Variants in GRIK2 observed in about 807,000 individuals in gnomAD.
GRIK2 encodes glutamate ionotropic receptor kainate type subunit 2.
In GRIK2, 32 loss-of-function variants were observed where a neutral mutation model predicts 100.3. The ratio of observed to expected loss-of-function variants is 0.32; its 90% confidence interval spans 0.24 to 0.43. The LOEUF is 0.43. GRIK2 is among the 20% of genes least tolerant of loss of function. The probability of loss-of-function intolerance (pLI) is 1.00; values close to 1 mark genes in which losing one functional copy is unlikely to be tolerated. For missense variants in GRIK2, 843 were observed against 1,114.9 expected (o/e 0.76, Z 3.47); for synonymous variants, 417 against 389.4 (o/e 1.07, Z -0.83).
At chr6:101,639,731 TTATC>T (rs1329807328) in intron 4 of GRIK2, among the ~76,000 whole-genome samples, 1 of 152,184 alleles carries the variant, frequency 6.6e-6, no homozygotes, top group Non-Finnish European at 1.5e-5. Context: ...AGAGATAACA[TTATC>T]TAAGCATCTA....
intron 7 of GRIK2, among the ~76,000 whole-genome samples, chr6:101,704,507 TAC>T (rs1391082759): frequency 6.6e-6 from 1 of 151,854 alleles, no homozygotes; most frequent in Non-Finnish European, 1.5e-5. Flanking sequence ...AACTAATTTA[TAC>T]ACTCTCCAAT....
chr6:102,009,227 A>G (rs1223474490), intron 14 of GRIK2, among the ~76,000 whole-genome samples: 2 of 152,048 alleles, frequency 1.3e-5, no homozygotes, highest in African/African-American at 2.4e-5. Context: ...GTGGTTCTGT[A>G]TCACAGACTT....
intron 16 of GRIK2, among the ~76,000 whole-genome samples, chr6:102,061,166 GTC>G (rs1239599227): frequency 6.7e-6 from 1 of 150,242 alleles, no homozygotes; most frequent in Non-Finnish European, 1.5e-5. Flanking sequence ...GGATTTTTAG[GTC>G]ATTTGTTTAT....
At chr6:101,810,273 CCTGT>C (rs568871233) in intron 9 of GRIK2, among the ~76,000 whole-genome samples, 1 of 151,884 alleles carries the variant, frequency 6.6e-6, no homozygotes, top group African/African-American at 2.4e-5. Flanking sequence ...AAAATCACAA[CCTGT>C]CTGTTAACTC....
At chr6:101,531,775 A>T (rs1423506859) in intron 2 of GRIK2, among the ~76,000 whole-genome samples, 1 of 151,820 alleles carries the variant, frequency 6.6e-6, no homozygotes, top group Admixed American at 6.6e-5. Context: ...GGCTATCAGA[A>T]ATCTGAATGT....
intron 7 of GRIK2, among the ~76,000 whole-genome samples, chr6:101,739,372 A>G (rs997726453): frequency 6.6e-6 from 1 of 152,038 alleles, no homozygotes; most frequent in African/African-American, 2.4e-5. Context: ...CTGGTCTGCC[A>G]TTTTTGTGGG....
intron 4 of GRIK2, among the ~76,000 whole-genome samples, chr6:101,636,202 G>T (rs1562276055): frequency 6.6e-6 from 1 of 152,086 alleles, no homozygotes; most frequent in Non-Finnish European, 1.5e-5. Flanking sequence ...TCCTTTGCAG[G>T]GTCATAGATG....
intron 14 of GRIK2, among the ~76,000 whole-genome samples, chr6:101,941,494 A>T (rs1276209923): frequency 6.6e-6 from 1 of 150,630 alleles, no homozygotes; most frequent in Non-Finnish European, 1.5e-5. Flanking sequence ...TTGATATGCA[A>T]TTTTTTTTTT....
intron 7 of GRIK2, among the ~76,000 whole-genome samples, chr6:101,795,438 G>A (rs1047042230): frequency 8.5e-5 from 13 of 152,174 alleles, no homozygotes; most frequent in Admixed American, 5.2e-4. Context: ...GGCTAAGTGT[G>A]CCTGTCTTTA....
rs567146429 is a variant in GRIK2, at chr6:101,723,259, T to A, written c.951+36906T>A. The stretch of plus-strand genomic sequence containing the variant: ...TCCAGGCATAGTGTTTCACAAAAAA[T>A]AAATCTATATAAACTGCAAAAGTAA... On this transcript the variant is annotated intron_variant, in intron 7 of 16. Coordinates refer to ENST00000369134, the MANE Select transcript of GRIK2 (RefSeq NM_021956.5). 6.5e-3 allele frequency among the ~76,000 whole-genome samples: 987 copies of A among 152,062 alleles called. 11 individuals carry two copies. The highest frequency in any genetic ancestry group is 8.7e-3 in the Non-Finnish European group (593 of 67,908).
intron 7 of GRIK2, among the ~76,000 whole-genome samples, chr6:101,727,730 A>G (rs990105814): frequency 2.6e-5 from 4 of 152,068 alleles, no homozygotes; most frequent in African/African-American, 9.7e-5. Flanking sequence ...TACAAAATAC[A>G]TAAGAGAAGA....
At chr6:101,603,092 A>T (rs1252283414) in intron 2 of GRIK2, among the ~76,000 whole-genome samples, 1 of 151,720 alleles carries the variant, frequency 6.6e-6, no homozygotes, top group African/African-American at 2.4e-5. Flanking sequence ...CTTTGAACAG[A>T]CATAAGTCAA....
intron 1 of GRIK2, among the ~76,000 whole-genome samples, chr6:101,396,425 T>C (rs1286420366): frequency 6.6e-6 from 1 of 151,892 alleles, no homozygotes; most frequent in Non-Finnish European, 1.5e-5. Context: ...ATTGTGGTCT[T>C]TCTAGCAATT....
At chr6:102,062,977 T>A (rs1455487302) in intron 16 of GRIK2, among the ~76,000 whole-genome samples, 1 of 150,704 alleles carries the variant, frequency 6.6e-6, no homozygotes, top group Non-Finnish European at 1.5e-5. Context: ...TTGTTTCCAC[T>A]ACATGTGACT....
rs189708519 is a variant in GRIK2 at position 101,793,351 on chromosome 6, G to T, written c.952-6297G>T. ...CATCTTTGTGGTATTATCTACTTTT[G>T]GTCTTTGATGATGGTGATGTACAGA... On this transcript the variant is annotated intron_variant, in intron 7 of 16. Coordinates refer to ENST00000369134, the MANE Select transcript of GRIK2 (RefSeq NM_021956.5). 7.7e-3 allele frequency among the ~76,000 whole-genome samples: 1,169 copies of T among 152,164 alleles called. 7 individuals are homozygous for T. The highest frequency in any genetic ancestry group is 9.7e-3 in the Non-Finnish European group (663 of 68,010).
At chr6:101,715,248 G>A (rs1562329659) in intron 7 of GRIK2, among the ~76,000 whole-genome samples, 1 of 151,582 alleles carries the variant, frequency 6.6e-6, no homozygotes, top group Non-Finnish European at 1.5e-5. Context: ...TGTTTTTCTG[G>A]GTGCTATGAC....
At chr6:101,438,789 G>C (rs537473983) in intron 2 of GRIK2, among the ~76,000 whole-genome samples, 1 of 152,178 alleles carries the variant, frequency 6.6e-6, no homozygotes, top group East Asian at 1.9e-4. Context: ...TCACAGACTG[G>C]GGGATTTAAG....
intron 11 of GRIK2, among the ~76,000 whole-genome samples, chr6:101,866,053 A>G (rs920887737): frequency 6.6e-5 from 10 of 152,166 alleles, no homozygotes; most frequent in African/African-American, 9.6e-5. Context: ...ATAATTTCCT[A>G]TGACCCCAAA....
chr6:101,750,946 T>G (rs1342381445), intron 7 of GRIK2, among the ~76,000 whole-genome samples: 1 of 152,230 alleles, frequency 6.6e-6, no homozygotes, highest in East Asian at 1.9e-4. Flanking sequence ...TGTAGATAAT[T>G]TTAAATTCTC....
Sources: gnomAD v4.1 joint callset for allele counts (sites outside exome capture counted in the v4.1 genomes callset) on GRCh38, gnomAD v4.1.1 for gene constraint, MANE v1.5 for transcripts, NCBI Gene and HGNC (gene_info 2026-07-23, HGNC 2026-07-21) for gene names.